Variants in MACROD2 observed in about 807,000 individuals in gnomAD.
The protein encoded by MACROD2 is ADP-ribose glycohydrolase MACROD2.
A neutral mutation model predicts 70.4 loss-of-function variants in MACROD2; 36 were observed. The observed-to-expected ratio is 0.51, with a 90% CI of 0.39 to 0.68. The LOEUF (loss-of-function observed/expected upper bound fraction) is 0.68, where lower values mean the gene tolerates loss of function less well. Among genes scored for constraint, MACROD2 ranks in the 30% least tolerant of loss-of-function variants. MACROD2 has a pLI of 0.00. For synonymous variants in MACROD2, 172 were observed against 178.8 expected (o/e 0.96, Z 0.30); for missense variants, 496 against 538.4 (o/e 0.92, Z 0.78).
chr20:14,771,303 C>CA (rs1369374339), intron 5 of MACROD2, among the ~76,000 whole-genome samples: 14 of 151,988 alleles, frequency 9.2e-5, no homozygotes, highest in Middle Eastern at 6.8e-3. Flanking sequence ...TTACGGTAGC[C>CA]AATTTCTATT....
chr20:14,629,983 C>T (rs956504291), intron 4 of MACROD2, among the ~76,000 whole-genome samples: 1 of 152,162 alleles, frequency 6.6e-6, no homozygotes, highest in African/African-American at 2.4e-5. Context: ...ATCTATCTAT[C>T]TATCTATCTA....
intron 8 of MACROD2, among the ~76,000 whole-genome samples, chr20:15,727,523 T>C (rs1489413542): frequency 6.6e-6 from 1 of 152,132 alleles, no homozygotes; most frequent in African/African-American, 2.4e-5. Context: ...GTAGCTTGCT[T>C]TGGGAAGTGT....
At chr20:14,133,054 G>A (rs1349039952) in intron 3 of MACROD2, among the ~76,000 whole-genome samples, 1 of 152,140 alleles carries the variant, frequency 6.6e-6, no homozygotes, top group African/African-American at 2.4e-5. Flanking sequence ...TGATTATGGA[G>A]GCTGACTAGT....
chr20:14,706,850 A>G (rs1408981935), intron 5 of MACROD2, among the ~76,000 whole-genome samples: 2 of 152,056 alleles, frequency 1.3e-5, no homozygotes, highest in South Asian at 2.1e-4. Flanking sequence ...CCTCATTCTA[A>G]TTTTTAACTT....
chr20:14,145,943 G>A (rs2054936960), intron 3 of MACROD2, among the ~76,000 whole-genome samples: 1 of 152,168 alleles, frequency 6.6e-6, no homozygotes, highest in South Asian at 2.1e-4. Context: ...ATCACTGCCT[G>A]GGAGACTATT....
intron 3 of MACROD2, among the ~76,000 whole-genome samples, chr20:14,465,598 A>C (rs200942829): frequency 2.0e-4 from 30 of 151,896 alleles, no homozygotes; most frequent in African/African-American, 5.8e-4. Flanking sequence ...GGTTATTTTG[A>C]TTGTTAGTTG....
chr20:14,070,586 C>T (rs754969330), intron 2 of MACROD2, among the ~76,000 whole-genome samples: 98 of 152,148 alleles, frequency 6.4e-4, no homozygotes, highest in South Asian at 3.1e-3. Context: ...TGGTATACTA[C>T]TAATTATTTG....
At chr20:15,095,064 CTTTTTTTT>C (rs373794823) in intron 5 of MACROD2, among the ~76,000 whole-genome samples, 14 of 89,220 alleles carry the variant, frequency 1.6e-4, no homozygotes, top group East Asian at 5.8e-4. Context: ...GTCTCCTCTT[CTTTTTTTT>C]TTTTTTTTTT....
intron 6 of MACROD2, among the ~76,000 whole-genome samples, chr20:15,293,697 C>G (rs956284838): frequency 1.3e-5 from 2 of 152,060 alleles, no homozygotes; most frequent in Non-Finnish European, 2.9e-5. Flanking sequence ...CTTGTAGGCC[C>G]CAGGGAAAGA....
At chr20:14,237,500 GC>G (rs2081887368) in intron 3 of MACROD2, among the ~76,000 whole-genome samples, 1 of 149,508 alleles carries the variant, frequency 6.7e-6, no homozygotes, top group African/African-American at 2.5e-5. Context: ...TATCTCTTTA[GC>G]TAAGTCTAAT....
In MACROD2 at chr20:14,346,722, C is replaced by G. The variant is rs190801667; in HGVS notation, c.272-146757C>G. On this transcript the variant is annotated intron_variant, in intron 3 of 17. Transcript: ENST00000684519. ...GCTTTGAGAGTGTTTAGTAGAAACT[C>G]AGACGGAACAAAAGGAGTAAGAAGG... Among the ~76,000 whole-genome samples the G allele has an allele frequency of 1.2e-3, 177 of 152,236 alleles. 1 individual carries two copies. The highest frequency in any genetic ancestry group is 4.1e-3 in the African/African-American group (171 of 41,556).
chr20:15,704,185 CA>C (rs1404769214), intron 8 of MACROD2, among the ~76,000 whole-genome samples: 2 of 151,370 alleles, frequency 1.3e-5, no homozygotes, highest in African/African-American at 4.9e-5. Flanking sequence ...TAAATCTAAC[CA>C]CCTTTTAATG....
chr20:15,033,081 G>C lies in MACROD2; in HGVS notation c.419-196859G>C, dbSNP rs549557212. ...CCAGGAGCTGGGACAGGGGAGGATG[G>C]GGCGTTATTGTTTAATAGGTACAGA... is the stretch of plus-strand genomic sequence containing the variant. On this transcript the variant is annotated intron_variant, in intron 5 of 17. Transcript: ENST00000684519. Among the ~76,000 whole-genome samples the C allele has an allele frequency of 3.2e-4, 48 of 152,254 alleles. No individual in the cohort carries two copies. In the Middle Eastern group the frequency reaches 0.01, roughly 33 times the overall value.
At position 14,977,297 on chromosome 20, in the gene MACROD2, ATTTT is replaced by A. The variant is rs777982225; in HGVS notation, c.419-252625_419-252622del. ...AGATCAAGCTCTTTTTAACACCTTGATTTTTTTTTTTTTTTTTTTTTAAATCACT... is the reference window on the plus strand; with the variant it reads ...AGATCAAGCTCTTTTTAACACCTTGATTTTTTTTTTTTTTTTTAAATCACT... On this transcript the variant is annotated intron_variant, in intron 5 of 17. Coordinates refer to ENST00000684519, the MANE Select transcript of MACROD2 (RefSeq NM_001351661.2). 2.0e-3 allele frequency among the ~76,000 whole-genome samples: 255 copies of A among 130,010 alleles called. 3 individuals carry two copies. The highest frequency in any genetic ancestry group is 6.8e-3 in the African/African-American group (246 of 36,404). 85.3% of individuals were successfully genotyped at this position (130,010 alleles called of 152,430 possible).
intron 5 of MACROD2, among the ~76,000 whole-genome samples, chr20:14,786,454 A>G (rs1301773978): frequency 6.6e-6 from 1 of 151,938 alleles, no homozygotes; most frequent in Non-Finnish European, 1.5e-5. Context: ...CGCAAGTATC[A>G]TTATTTTTCT....
chr20:16,037,605 T>C (rs2067252571), intron 15 of MACROD2, among the ~76,000 whole-genome samples: 1 of 151,858 alleles, frequency 6.6e-6, no homozygotes, highest in South Asian at 2.1e-4. Flanking sequence ...GTCAGAATAT[T>C]TTATAATCAT....
At chr20:15,391,010 A>G (rs1184796892) in intron 6 of MACROD2, among the ~76,000 whole-genome samples, 1 of 152,160 alleles carries the variant, frequency 6.6e-6, no homozygotes, top group Non-Finnish European at 1.5e-5. Context: ...AGGGGGTTCA[A>G]CAGCACCTCA....
intron 8 of MACROD2, among the ~76,000 whole-genome samples, chr20:15,742,972 T>C (rs1213078825): frequency 6.6e-6 from 1 of 152,200 alleles, no homozygotes; most frequent in African/African-American, 2.4e-5. Context: ...AGGTCAATTG[T>C]ATTTGTCTGA....
chr20:15,993,379 T>C (rs1478164059), intron 15 of MACROD2, among the ~76,000 whole-genome samples: 1 of 152,098 alleles, frequency 6.6e-6, no homozygotes. Context: ...ACCTTTTCTA[T>C]GTTTAGTTAT....
Sources: allele counts gnomAD v4.1 joint callset (sites outside exome capture counted in the v4.1 genomes callset), GRCh38; gene constraint gnomAD v4.1.1; transcripts MANE v1.5; gene names NCBI Gene and HGNC (gene_info 2026-07-23, HGNC 2026-07-21).